Variants in STXBP5L observed in about 807,000 individuals in gnomAD.
STXBP5L encodes syntaxin binding protein 5L.
In STXBP5L, 65 loss-of-function variants were observed where a neutral mutation model predicts 144.5. The observed-to-expected ratio is 0.45, with a 90% CI of 0.37 to 0.55. The LOEUF is 0.55. Among genes scored for constraint, STXBP5L ranks in the 20% least tolerant of loss-of-function variants. STXBP5L has a pLI of 0.00. For synonymous variants in STXBP5L, 505 were observed against 469.6 expected (o/e 1.08, Z -0.97); for missense variants, 1,298 against 1,405.5 (o/e 0.92, Z 1.22).
chr3:121,023,486 T>G (rs1428096659), intron 3 of STXBP5L, among the ~76,000 whole-genome samples: 2 of 152,134 alleles, frequency 1.3e-5, no homozygotes, highest in East Asian at 1.9e-4. Context: ...ATTATCCCAT[T>G]GCAAACTACA....
intron 23 of STXBP5L, among the ~76,000 whole-genome samples, chr3:121,411,735 G>A (rs1358555681): frequency 6.6e-6 from 1 of 152,102 alleles, no homozygotes; most frequent in Non-Finnish European, 1.5e-5. Context: ...GTTGCCCTAA[G>A]TTATGGGTAA....
chr3:121,324,885 G>A (rs990039719), intron 20 of STXBP5L, among the ~76,000 whole-genome samples: 1 of 152,116 alleles, frequency 6.6e-6, no homozygotes, highest in Middle Eastern at 3.4e-3. Context: ...AGAAAGTAAG[G>A]GGGTCGCGGG....
At chr3:121,293,653 A>G (rs964228258) in intron 19 of STXBP5L, among the ~76,000 whole-genome samples, 3 of 152,324 alleles carry the variant, frequency 2.0e-5, no homozygotes, top group East Asian at 3.9e-4. Context: ...TGAGGTCAGG[A>G]GTTCAAGACA....
intron 4 of STXBP5L, among the ~76,000 whole-genome samples, chr3:121,042,550 A>C (rs1013977773): frequency 6.6e-6 from 1 of 152,134 alleles, no homozygotes; most frequent in African/African-American, 2.4e-5. Context: ...GTCTCGGAAA[A>C]AAATGTTTGG....
At chr3:120,971,852 A>G (rs1940306401) in intron 3 of STXBP5L, among the ~76,000 whole-genome samples, 1 of 151,684 alleles carries the variant, frequency 6.6e-6, no homozygotes, top group African/African-American at 2.4e-5. Flanking sequence ...CTATTATAAT[A>G]TCCATGCGCA....
At chr3:121,203,150 A>T (rs1335107228) in intron 9 of STXBP5L, among the ~76,000 whole-genome samples, 1 of 151,916 alleles carries the variant, frequency 6.6e-6, no homozygotes, top group African/African-American at 2.4e-5. Context: ...TTGCTCTATT[A>T]AATGAAGACA....
At chr3:121,014,620 A>C (rs1020900280) in intron 3 of STXBP5L, among the ~76,000 whole-genome samples, 1 of 151,948 alleles carries the variant, frequency 6.6e-6, no homozygotes, top group Non-Finnish European at 1.5e-5. Flanking sequence ...TAGGTGTCTT[A>C]TGGCAAATAT....
At chr3:121,391,810 G>T (rs2046593767) in intron 22 of STXBP5L, among the ~76,000 whole-genome samples, 1 of 152,126 alleles carries the variant, frequency 6.6e-6, no homozygotes, top group Non-Finnish European at 1.5e-5. Context: ...TATATGAGGT[G>T]CCTGGCTGCC....
chr3:121,370,643 A>G (rs944649367), intron 20 of STXBP5L, among the ~76,000 whole-genome samples: 14 of 152,348 alleles, frequency 9.2e-5, no homozygotes, highest in Non-Finnish European at 1.6e-4. Context: ...AGAAATGCCA[A>G]TGAGTCATAG....
intron 3 of STXBP5L, among the ~76,000 whole-genome samples, chr3:121,014,527 A>G (rs1236316489): frequency 6.6e-6 from 1 of 152,032 alleles, no homozygotes; most frequent in Non-Finnish European, 1.5e-5. Context: ...ATACAAATGT[A>G]TAGATATGTC....
At chr3:121,177,508 C>T (rs1460017452) in intron 9 of STXBP5L, among the ~76,000 whole-genome samples, 2 of 152,052 alleles carry the variant, frequency 1.3e-5, no homozygotes, top group African/African-American at 4.8e-5. Context: ...GCACATGAAA[C>T]GATGCTCAAC....
In STXBP5L at chr3:121,274,347, C is replaced by G. The variant is rs147933616; in HGVS notation, c.1959-5458C>G. ...TTTAATCAGCCGAAGTCAGTGTTGG[C>G]AAATACTGCAGGTATCCATGGCAGA... On this transcript the variant is annotated intron_variant, in intron 18 of 26. Coordinates refer to ENST00000471454, the MANE Select transcript of STXBP5L (RefSeq NM_001308330.2). 7.7e-3 allele frequency among the ~76,000 whole-genome samples: 1,174 copies of G among 152,316 alleles called. 13 individuals carry two copies. The highest frequency in any genetic ancestry group is 8.0e-3 in the Non-Finnish European group (543 of 68,018).
At chr3:121,211,388 C>G (rs1459524973) in intron 10 of STXBP5L, among the ~76,000 whole-genome samples, 1 of 152,046 alleles carries the variant, frequency 6.6e-6, no homozygotes, top group Non-Finnish European at 1.5e-5. Flanking sequence ...GACAATTTGA[C>G]TTCCTCTTTT....
intron 2 of STXBP5L, among the ~76,000 whole-genome samples, chr3:120,946,999 T>G (rs1380419969): frequency 6.6e-6 from 1 of 151,720 alleles, no homozygotes; most frequent in African/African-American, 2.4e-5. Flanking sequence ...ACTAATTCTT[T>G]CTATTACATA....
rs531405326 is a variant in STXBP5L at position 121,016,877 on chromosome 3, A to C, written c.288-24823A>C. Among the ~76,000 whole-genome samples, 10 of 152,366 alleles carry C rather than the reference A, an allele frequency of 6.6e-5. No homozygotes were observed. In the East Asian group the frequency reaches 1.7e-3, roughly 26 times the overall value. On this transcript the variant is annotated intron_variant, in intron 3 of 26. Transcript: ENST00000471454. ...AAACATTCAAGGAAAAAATTATATC[A>C]GTTCTCTGTAATCTCTTCTAGAAAA...
chr3:120,984,877 G>A (rs1161382575), intron 3 of STXBP5L, among the ~76,000 whole-genome samples: 1 of 151,682 alleles, frequency 6.6e-6, no homozygotes, highest in Admixed American at 6.6e-5. Context: ...TTATAAAATG[G>A]TGTTGAATTT....
At chr3:121,111,843 C>T (rs1393598634) in intron 5 of STXBP5L, among the ~76,000 whole-genome samples, 4 of 151,728 alleles carry the variant, frequency 2.6e-5, no homozygotes, top group African/African-American at 7.2e-5. Flanking sequence ...TCCACTGATC[C>T]ATGGAGAGAG....
chr3:121,273,472 T>G (rs914074489), intron 18 of STXBP5L, among the ~76,000 whole-genome samples: 9 of 152,138 alleles, frequency 5.9e-5, no homozygotes, highest in Admixed American at 5.9e-4. Context: ...TTATAATGTG[T>G]CTGTGTGAAG....
chr3:121,338,278 T>C (rs1002115469), intron 20 of STXBP5L, among the ~76,000 whole-genome samples: 1 of 151,940 alleles, frequency 6.6e-6, no homozygotes, highest in Non-Finnish European at 1.5e-5. Context: ...GTTGGTTCTT[T>C]GAAAAAATAA....
Sources: allele counts gnomAD v4.1 joint callset (sites outside exome capture counted in the v4.1 genomes callset), GRCh38; gene constraint gnomAD v4.1.1; transcripts MANE v1.5; gene names NCBI Gene and HGNC (gene_info 2026-07-23, HGNC 2026-07-21).